CACHD1: variants seen among roughly 807,000 people sequenced by gnomAD.
The protein encoded by CACHD1 is VWFA and cache domain-containing protein 1.
A neutral mutation model predicts 138.7 loss-of-function variants in CACHD1; 71 were observed. That is an observed-to-expected ratio of 0.51 (90% confidence interval 0.42 to 0.62). The LOEUF (loss-of-function observed/expected upper bound fraction) is 0.62, where lower values mean the gene tolerates loss of function less well. Ranked by LOEUF, CACHD1 falls within the 20% of genes least tolerant of loss-of-function variation. The pLI, the probability that CACHD1 is intolerant of heterozygous loss-of-function variation, is 0.00. For missense variants in CACHD1, 1,389 were observed against 1,625.3 expected (o/e 0.85, Z 2.50); for synonymous variants, 578 against 591.5 (o/e 0.98, Z 0.33).
At chr1:64,582,382 C>A in intron 3 of CACHD1, 78 bp downstream of exon 3, 1 of 1,292,282 alleles carries the variant, frequency 7.7e-7, no homozygotes, top group Non-Finnish European at 1.1e-6. Flanking sequence ...ATTCAAAATA[C>A]CTGTGTTTAT....
chr1:64,485,812 T>C (rs1398345882), intron 1 of CACHD1, among the ~76,000 whole-genome samples: 7 of 152,150 alleles, frequency 4.6e-5, no homozygotes, highest in Non-Finnish European at 1.0e-4. Context: ...TTTTGATGTT[T>C]CAAATCTACT....
intron 2 of CACHD1, among the ~76,000 whole-genome samples, chr1:64,559,162 A>G (rs541720729): frequency 1.2e-4 from 18 of 152,344 alleles, no homozygotes; most frequent in African/African-American, 4.3e-4. Context: ...ACCCAGAGGA[A>G]TATAAGCATT....
intron 2 of CACHD1, among the ~76,000 whole-genome samples, chr1:64,579,542 G>T (rs781520076): frequency 1.7e-4 from 26 of 152,134 alleles, no homozygotes; most frequent in Non-Finnish European, 3.8e-4. Flanking sequence ...AAAGGACTAT[G>T]CACTTAATAC....
chr1:64,642,434 C>T (rs1441554326), intron 8 of CACHD1, among the ~76,000 whole-genome samples: 2 of 152,176 alleles, frequency 1.3e-5, no homozygotes, highest in Non-Finnish European at 2.9e-5. Context: ...GCTTCCTTAG[C>T]TGTAAAATGG....
chr1:64,493,580 A>T (rs1425905625), intron 1 of CACHD1, among the ~76,000 whole-genome samples: 2 of 152,222 alleles, frequency 1.3e-5, no homozygotes, highest in Admixed American at 6.5e-5. Context: ...TATGGCCCAT[A>T]GCTGGACAAT....
intron 1 of CACHD1, among the ~76,000 whole-genome samples, chr1:64,541,189 G>T (rs1646674419): frequency 6.6e-6 from 1 of 152,242 alleles, no homozygotes; most frequent in African/African-American, 2.4e-5. Context: ...TCTGTATAAT[G>T]TAATGCTTAG....
At chr1:64,666,980 T>A (rs888387974) in intron 16 of CACHD1, among the ~76,000 whole-genome samples, 7 of 151,940 alleles carry the variant, frequency 4.6e-5, no homozygotes, top group Non-Finnish European at 1.0e-4. Flanking sequence ...TAAAAAAAAA[T>A]TGTCCTTGAA....
In CACHD1 at chr1:64,686,642, T is replaced by C. The variant is rs191902642; in HGVS notation, c.3586+4536T>C. On this transcript the variant is annotated intron_variant, in intron 26 of 26. Coordinates refer to ENST00000651257, the MANE Select transcript of CACHD1 (RefSeq NM_020925.4). ...CTTAAAAATATCATGTTCTGTCCAA[T>C]CATCTATTGGCTTATTTTTAAGTCA... 2.2e-4 allele frequency among the ~76,000 whole-genome samples: 34 copies of C among 152,340 alleles called. 1 individual carries two copies. The highest frequency in any genetic ancestry group is 4.4e-5 in the Non-Finnish European group (3 of 68,030).
At chr1:64,486,701 C>G (rs1451090228) in intron 1 of CACHD1, among the ~76,000 whole-genome samples, 1 of 152,082 alleles carries the variant, frequency 6.6e-6, no homozygotes, top group Non-Finnish European at 1.5e-5. Flanking sequence ...TTTAGTTAGT[C>G]AATCTGCAAG....
intron 16 of CACHD1, 134 bp downstream of exon 16, chr1:64,666,301 A>G (rs1649631234): frequency 3.8e-6 from 2 of 527,758 alleles, no homozygotes; most frequent in South Asian, 5.7e-5. Context: ...CTGGGATTTG[A>G]ACATCTTCTC....
intron 4 of CACHD1, among the ~76,000 whole-genome samples, chr1:64,605,991 A>G (rs1429182475): frequency 1.3e-5 from 2 of 152,128 alleles, no homozygotes; most frequent in Non-Finnish European, 2.9e-5. Flanking sequence ...ACCTGGAAGA[A>G]TGGTCTCCTA....
intron 2 of CACHD1, among the ~76,000 whole-genome samples, chr1:64,567,233 G>A (rs941035425): frequency 2.0e-5 from 3 of 151,978 alleles, no homozygotes; most frequent in African/African-American, 4.8e-5. Flanking sequence ...TCCCAAGGAC[G>A]TTGTTAAATT....
intron 1 of CACHD1, among the ~76,000 whole-genome samples, chr1:64,502,066 T>C (rs981572883): frequency 1.3e-5 from 2 of 152,228 alleles, no homozygotes; most frequent in Non-Finnish European, 2.9e-5. Flanking sequence ...TTAATTGTTT[T>C]TGGATGTTTT....
chr1:64,503,179 T>A lies in CACHD1; in HGVS notation c.198+32237T>A, dbSNP rs1206014613. Among the ~76,000 whole-genome samples the A allele has an allele frequency of 4.6e-5, 7 of 152,270 alleles. No individual in the cohort carries two copies. The East Asian group carries it at 1.4e-3, about 30-fold the overall frequency. The stretch of plus-strand genomic sequence containing the variant: ...AAGCCGGCTTTTGATAGTGAGTAAC[T>A]AATTGGACTGGCTGATAGTGGGAGT... On this transcript the variant is annotated intron_variant, in intron 1 of 26. Transcript: ENST00000651257.
At chr1:64,477,735 T>C (rs182058897) in intron 1 of CACHD1, among the ~76,000 whole-genome samples, 2,306 of 151,346 alleles carry the variant, frequency 0.015, 66 homozygotes, top group African/African-American at 0.053. Flanking sequence ...CCCGGGTTCA[T>C]GCCATTCTCC....
intron 1 of CACHD1, among the ~76,000 whole-genome samples, chr1:64,474,808 G>A (rs1290334626): frequency 6.6e-6 from 1 of 152,248 alleles, no homozygotes; most frequent in Non-Finnish European, 1.5e-5. Context: ...CAAGGGCCTG[G>A]CACAAGGCCA....
At chr1:64,663,031 A>G (rs145920726) in intron 13 of CACHD1, among the ~76,000 whole-genome samples, 130 of 152,328 alleles carry the variant, frequency 8.5e-4, no homozygotes, top group Non-Finnish European at 1.5e-3. Context: ...GAGAAACACT[A>G]CATGTATTAT....
At position 64,654,702 on chromosome 1, in the gene CACHD1, C is replaced by T; in HGVS notation, c.1681C>T (p.Gln561Ter). The change falls in exon 12 of 27, where the codon CAG becomes TAG. Residue 561 changes from glutamine to a stop codon, truncating the protein, a stop_gained. Transcript: ENST00000651257. LOFTEE classifies it high-confidence loss of function. The stretch of plus-strand genomic sequence containing the variant: ...CCAACACAGCCTCCCTCTGGGCAGC[C>T]AGATTATCGCAGTCCCTGTGAACTC... ...QNILSLPLGS[Q>*]IIAVPVNSSL... is the part of the protein sequence containing the mutation. The T allele has an allele frequency of 6.2e-7, 1 of 1,613,302 alleles. No individual in the cohort carries two copies. Among genetic ancestry groups the T allele is most frequent in the Non-Finnish European group, 8.5e-7 (1 of 1,179,386 alleles).
At chr1:64,645,585 G>A (rs1420563109) in intron 8 of CACHD1, among the ~76,000 whole-genome samples, 2 of 152,186 alleles carry the variant, frequency 1.3e-5, no homozygotes, top group African/African-American at 2.4e-5. Flanking sequence ...AAGATGGGGA[G>A]GTGACATCTC....
Sources: gnomAD v4.1 joint callset for allele counts (sites outside exome capture counted in the v4.1 genomes callset) on GRCh38, gnomAD v4.1.1 for gene constraint, MANE v1.5 for transcripts, NCBI Gene and HGNC (gene_info 2026-07-23, HGNC 2026-07-21) for gene names.